The following KLF6 variants were observed in gnomAD, a reference collection of about 807,000 sequenced individuals.
KLF6 encodes the protein KLF transcription factor 6, also known as Krueppel-like factor 6.
For synonymous variants in KLF6, 152 were observed against 147.9 expected, an observed-to-expected ratio of 1.03 and a Z score of -0.20; for missense variants, 233 against 359.8, an observed-to-expected ratio of 0.65 and a Z score of 2.85.
At position 3,782,108 on chromosome 10, in the gene KLF6, G is replaced by A. The variant is rs1249031510; in HGVS notation, c.209C>T (p.Ala70Val). 6.2e-7 allele frequency: 1 copy of A among 1,614,062 alleles called. No homozygotes were observed. The highest frequency in any genetic ancestry group is 8.5e-7 in the Non-Finnish European group (1 of 1,179,938). ...TTCGGATTCCTCCTTTTTCTCCCGA[G>A]CCAGAATGATTTTGGTCCACAGATC... is the stretch of plus-strand genomic sequence containing the variant. ...QEDLWTKIIL[A>V]REKKEESELK... The change falls in exon 2 of 4, where the codon GCT becomes GTT. Residue 70 changes from alanine (A) to valine (V), a missense_variant. By Grantham distance (64) the Ala-to-Val change is moderately conservative (BLOSUM62 0). Coordinates refer to ENST00000497571, the MANE Select transcript of KLF6 (RefSeq NM_001300.6). The surrounding 1 kb of genome is among the most constrained non-coding windows in gnomAD (Gnocchi z 4.3).
chr10:3,778,815 A>G lies in KLF6; in HGVS notation c.*724T>C. 1 of 532,686 alleles carries G rather than the reference A, an allele frequency of 1.9e-6. No homozygotes were observed. Among genetic ancestry groups the G allele is most frequent in the South Asian group, 1.5e-5 (1 of 65,160 alleles). The allele number at this position is 532,686 out of a possible 1,614,324, so 33.0% of individuals were successfully genotyped here. On this transcript the variant is annotated 3_prime_UTR_variant, in exon 4 of 4. Transcript: ENST00000497571. Reference sequence around the variant, plus strand: ...AGTTAAATTGTTGTGTTATATTTGTAAATACACAGCTTATACAATGGGTTA... The same window carrying G: ...AGTTAAATTGTTGTGTTATATTTGTGAATACACAGCTTATACAATGGGTTA...
rs1304610526 is a variant in KLF6, at chr10:3,780,089, T to C, written c.800+17A>G. ...AGGCCCCACGCTCCTTGCCCAGCAT[T>C]GTCCTCAGGCACGTACCTGTCACAG... On this transcript the variant is annotated intron_variant, in intron 3 of 3. Coordinates refer to ENST00000497571, the MANE Select transcript of KLF6 (RefSeq NM_001300.6). This position sits in a 1 kb window ranked among gnomAD's most constrained non-coding sequence, Gnocchi z 4.6. The C allele has an allele frequency of 3.7e-6, 6 of 1,614,012 alleles. No homozygotes were observed. The highest frequency in any genetic ancestry group is 5.1e-6 in the Non-Finnish European group (6 of 1,180,030).
At chr10:3,784,853 A>G (rs1466826664) in intron 1 of KLF6, 60 bp downstream of exon 1, 51 of 1,536,638 alleles carry the variant, frequency 3.3e-5, no homozygotes, top group Non-Finnish European at 4.2e-5. Context: ...TCTGAACCCC[A>G]AACAGCCGAC....
At position 3,781,196 on chromosome 10, in the gene KLF6, G is replaced by T. The variant is rs1305005910; in HGVS notation, c.676+445C>A. On this transcript the variant is annotated intron_variant, in intron 2 of 3. Transcript: ENST00000497571. The surrounding 1 kb of genome is among the most constrained non-coding windows in gnomAD (Gnocchi z 5.8). ...CTTACAGAGCAGGCCGGTCCCACTC[G>T]GGCCTCGGGCCGTCAGCATCAAACC... 2 of 378,230 alleles carry T rather than the reference G, an allele frequency of 5.3e-6. No individual in the cohort carries two copies. The highest frequency in any genetic ancestry group is 4.2e-5 in the Admixed American group (1 of 23,686). 23.4% of individuals were successfully genotyped at this position (378,230 alleles called of 1,614,324 possible).
rs773979067 is a variant in KLF6, at chr10:3,785,130, G to T, written c.-116C>A. ...AAAGTTTCATGCAAACTCCAGGCTCGCAGAGACGCCCGGCCGGACCCTCCC... is the reference window on the plus strand; with the variant it reads ...AAAGTTTCATGCAAACTCCAGGCTCTCAGAGACGCCCGGCCGGACCCTCCC... On this transcript the variant is annotated 5_prime_UTR_variant, in exon 1 of 4. Coordinates refer to ENST00000497571, the MANE Select transcript of KLF6 (RefSeq NM_001300.6). The T allele has an allele frequency of 1.1e-5, 17 of 1,546,392 alleles. No homozygotes were observed. Among genetic ancestry groups the T allele is most frequent in the Admixed American group, 1.9e-5 (1 of 51,498 alleles).
At position 3,780,606 on chromosome 10, in the gene KLF6, A is replaced by C. The variant is rs1378618390; in HGVS notation, c.677-377T>G. ...CATGGCAACTGTTTCTCCCAAACAC[A>C]CTTCTGTTCCATCCTCACTTCCCTA... On this transcript the variant is annotated intron_variant, in intron 2 of 3. Coordinates refer to ENST00000497571, the MANE Select transcript of KLF6 (RefSeq NM_001300.6). This position sits in a 1 kb window ranked among gnomAD's most constrained non-coding sequence, Gnocchi z 4.6. The C allele has an allele frequency of 5.6e-6, 2 of 357,186 alleles. No homozygotes were observed. The highest frequency in any genetic ancestry group is 3.8e-5 in the Admixed American group (1 of 26,526). The allele number at this position is 357,186 out of a possible 1,614,324, so 22.1% of individuals were successfully genotyped here. A position where few individuals can be genotyped will look rare whatever the true frequency, so the allele number is the denominator to read the frequency against.
Position 3,779,522 on chromosome 10 carries a change from T to G in KLF6, c.*17A>C, listed in dbSNP as rs374854304. On this transcript the variant is annotated 3_prime_UTR_variant, in exon 4 of 4. Transcript: ENST00000497571. Reference sequence around the variant, plus strand: ...CCTGGAAGCCTTTTAGCCTACAGGATCCACCTCTCTGCTCCCTCAGAGGTG... The same window carrying G: ...CCTGGAAGCCTTTTAGCCTACAGGAGCCACCTCTCTGCTCCCTCAGAGGTG... 6.2e-7 allele frequency: 1 copy of G among 1,610,190 alleles called. No homozygotes were observed. The highest frequency in any genetic ancestry group is 8.5e-7 in the Non-Finnish European group (1 of 1,176,370).
rs777889308 is a variant in KLF6, at chr10:3,781,883, G to A, written c.434C>T (p.Thr145Ile). The A allele has an allele frequency of 3.1e-6, 5 of 1,614,228 alleles. No individual in the cohort carries two copies. The highest frequency in any genetic ancestry group is 1.1e-5 in the South Asian group (1 of 91,086). The change falls in exon 2 of 4, where the codon ACC becomes ATC. Residue 145 changes from threonine (T) to isoleucine (I), a missense_variant. By Grantham distance (89) the Thr-to-Ile change is moderately conservative. Coordinates refer to ENST00000497571, the MANE Select transcript of KLF6 (RefSeq NM_001300.6). This position sits in a 1 kb window ranked among gnomAD's most constrained non-coding sequence, Gnocchi z 5.8. ...VSSGKLSSSV[T>I]STPPSSPELS... Reference sequence around the variant, plus strand: ...TTCCGGAGAAGATGGAGGCGTGGAGGTGACAGAGGAGCTCAATTTTCCCGA... The same window carrying A: ...TTCCGGAGAAGATGGAGGCGTGGAGATGACAGAGGAGCTCAATTTTCCCGA...
At position 3,785,109 on chromosome 10, in the gene KLF6, T is replaced by C; in HGVS notation, c.-95A>G. On this transcript the variant is annotated 5_prime_UTR_variant, in exon 1 of 4. Transcript: ENST00000497571. ...AGTCTCCCCGGAGCGCAGGTGAAAG[T>C]TTCATGCAAACTCCAGGCTCGCAGA... The C allele has an allele frequency of 6.3e-7, 1 of 1,578,274 alleles. No homozygotes were observed. Among genetic ancestry groups the C allele is most frequent in the Non-Finnish European group, 8.6e-7 (1 of 1,163,484 alleles).
rs1489865908 is a variant in KLF6 at position 3,781,619 on chromosome 10, C to T, written c.676+22G>A. 6.8e-6 allele frequency: 11 copies of T among 1,610,834 alleles called. No homozygotes were observed. The East Asian group carries it at 8.9e-5, about 13-fold the overall frequency. The stretch of plus-strand genomic sequence containing the variant: ...GTGGCGCCCACCAGCGGCCGCCCTC[C>T]GGGGCCCGCGTGGGCACTGACCTGT... On this transcript the variant is annotated intron_variant, in intron 2 of 3. Coordinates refer to ENST00000497571, the MANE Select transcript of KLF6 (RefSeq NM_001300.6). This position sits in a 1 kb window ranked among gnomAD's most constrained non-coding sequence, Gnocchi z 5.8.
At position 3,778,456 on chromosome 10, in the gene KLF6, T is replaced by C. The variant is rs1396259059; in HGVS notation, c.*1083A>G. ...TAGGTTCTTAAGTCTAATGAAACAT[T>C]AGACCAGCAATTCCCAGCCCCAGCT... is the stretch of plus-strand genomic sequence containing the variant. On this transcript the variant is annotated 3_prime_UTR_variant, in exon 4 of 4. Coordinates refer to ENST00000497571, the MANE Select transcript of KLF6 (RefSeq NM_001300.6). 2 of 525,602 alleles carry C rather than the reference T, an allele frequency of 3.8e-6. No individual in the cohort carries two copies. Among genetic ancestry groups the C allele is most frequent in the Non-Finnish European group, 7.4e-6 (2 of 270,840 alleles). 32.6% of individuals were successfully genotyped at this position (525,602 alleles called of 1,614,324 possible).
intron 1 of KLF6, among the ~76,000 whole-genome samples, chr10:3,784,667 GGAGCGGGGACAGGCTCCGAACTC>G (rs1832609262): frequency 1.3e-5 from 2 of 152,186 alleles, no homozygotes; most frequent in African/African-American, 4.8e-5. Flanking sequence ...TGTGGCGTCT[GGAGCGGGGACAGGCTCCGAACTC>G]GTGCCAGGGG....
chr10:3,779,973 G>T (rs896515969), intron 3 of KLF6, 133 bp downstream of exon 3: 8 of 1,188,482 alleles, frequency 6.7e-6, no homozygotes, highest in Non-Finnish European at 9.8e-6. Flanking sequence ...AAAGTCCCAG[G>T]CTTGAAAAGA....
Position 3,776,870 on chromosome 10 carries a change from C to A in KLF6, c.*2669G>T. On this transcript the variant is annotated 3_prime_UTR_variant, in exon 4 of 4. Transcript: ENST00000497571. ...TGACAGGTACGGTACCCAGCCCCAC[C>A]CAGGCAAACAGCTCCGACATGTTTC... is the stretch of plus-strand genomic sequence containing the variant. 1.9e-6 allele frequency: 1 copy of A among 527,682 alleles called. No homozygotes were observed. The allele number at this position is 527,682 out of a possible 1,614,324, so 32.7% of individuals were successfully genotyped here. A position where few individuals can be genotyped will look rare whatever the true frequency, so the allele number is the denominator to read the frequency against.
intron 1 of KLF6, among the ~76,000 whole-genome samples, chr10:3,784,499 T>TGGG (rs1293397542): frequency 6.6e-6 from 1 of 151,864 alleles, no homozygotes; most frequent in Non-Finnish European, 1.5e-5. Context: ...GTCTACGTTC[T>TGGG]GGGGGCAAAA....
chr10:3,776,702 CAAAAAAAA>C lies in KLF6; in HGVS notation c.*2829_*2836del, dbSNP rs35554797. 8 of 396,604 alleles carry C rather than the reference CAAAAAAAA, an allele frequency of 2.0e-5. No homozygotes were observed. Among genetic ancestry groups the C allele is most frequent in the Non-Finnish European group, 2.8e-5 (6 of 211,888 alleles). 24.6% of individuals were successfully genotyped at this position (396,604 alleles called of 1,614,324 possible). A position where few individuals can be genotyped will look rare whatever the true frequency, so the allele number is the denominator to read the frequency against. On this transcript the variant is annotated 3_prime_UTR_variant, in exon 4 of 4. Coordinates refer to ENST00000497571, the MANE Select transcript of KLF6 (RefSeq NM_001300.6). ...GATTCTTTAGATAACAGGGTGCTTCCAAAAAAAAAAAAAAAAGAAATTTCACTAATAGA... is the reference window on the plus strand; with the variant it reads ...GATTCTTTAGATAACAGGGTGCTTCCAAAAAAAAGAAATTTCACTAATAGA...
rs1057502781 is a variant in KLF6, at chr10:3,776,895, C to T, written c.*2644G>A. ...CCAGGCAAACAGCTCCGACATGTTTCGTAAGTGAGACAAGCCAGTGCAAGT... is the reference window on the plus strand; with the variant it reads ...CCAGGCAAACAGCTCCGACATGTTTTGTAAGTGAGACAAGCCAGTGCAAGT... On this transcript the variant is annotated 3_prime_UTR_variant, in exon 4 of 4. Coordinates refer to ENST00000497571, the MANE Select transcript of KLF6 (RefSeq NM_001300.6). The T allele has an allele frequency of 2.7e-5, 14 of 516,438 alleles. No homozygotes were observed. Among genetic ancestry groups the T allele is most frequent in the Admixed American group, 1.1e-4 (5 of 43,648 alleles). 32.0% of individuals were successfully genotyped at this position (516,438 alleles called of 1,614,324 possible). A position where few individuals can be genotyped will look rare whatever the true frequency, so the allele number is the denominator to read the frequency against.
At position 3,776,876 on chromosome 10, in the gene KLF6, A is replaced by C. The variant is rs567253177; in HGVS notation, c.*2663T>G. 1 of 527,502 alleles carries C rather than the reference A, an allele frequency of 1.9e-6. No homozygotes were observed. The highest frequency in any genetic ancestry group is 1.9e-5 in the African/African-American group (1 of 53,488). 32.7% of individuals were successfully genotyped at this position (527,502 alleles called of 1,614,324 possible). A position where few individuals can be genotyped will look rare whatever the true frequency, so the allele number is the denominator to read the frequency against. ...GTACGGTACCCAGCCCCACCCAGGC[A>C]AACAGCTCCGACATGTTTCGTAAGT... is the stretch of plus-strand genomic sequence containing the variant. On this transcript the variant is annotated 3_prime_UTR_variant, in exon 4 of 4. Transcript: ENST00000497571.
rs1338250323 is a variant in KLF6, at chr10:3,776,171, T to A, written c.*3368A>T. 5.7e-6 allele frequency: 3 copies of A among 530,804 alleles called. No individual in the cohort carries two copies. The highest frequency in any genetic ancestry group is 1.1e-5 in the Non-Finnish European group (3 of 274,114). 32.9% of individuals were successfully genotyped at this position (530,804 alleles called of 1,614,324 possible). A position where few individuals can be genotyped will look rare whatever the true frequency, so the allele number is the denominator to read the frequency against. The stretch of plus-strand genomic sequence containing the variant: ...GTAGGCCCAGCTCTAGCTGCGGAAC[T>A]GGAGCAGGCTGTGGAGGCACAGAAG... On this transcript the variant is annotated 3_prime_UTR_variant, in exon 4 of 4. Transcript: ENST00000497571.
Sources: allele counts gnomAD v4.1 joint callset (sites outside exome capture counted in the v4.1 genomes callset), GRCh38; gene constraint gnomAD v4.1.1; non-coding constraint Gnocchi (gnomAD v3.1); transcripts MANE v1.5; gene names NCBI Gene and HGNC (gene_info 2026-07-23, HGNC 2026-07-21).